The following CSMD1 variants were observed in gnomAD, a reference collection of about 807,000 sequenced individuals.
The protein encoded by CSMD1 is CUB and sushi domain-containing protein 1.
A neutral mutation model predicts 417.5 loss-of-function variants in CSMD1; 213 were observed. The ratio of observed to expected loss-of-function variants is 0.51; its 90% CI spans 0.46 to 0.57. The LOEUF is 0.57. Among genes scored for constraint, CSMD1 ranks in the 20% least tolerant of loss-of-function variants. The pLI, the probability that CSMD1 is intolerant of heterozygous loss-of-function variation, is 0.00. For missense variants in CSMD1, 6,923 were observed against 4,529.7 expected, an observed-to-expected ratio of 1.53 and a Z score of -15.17; for synonymous variants, 2,862 against 1,736.8, an observed-to-expected ratio of 1.65 and a Z score of -16.11.
At chr8:3,722,787 C>G (rs1802263735) in intron 6 of CSMD1, among the ~76,000 whole-genome samples, 1 of 152,200 alleles carries the variant, frequency 6.6e-6, no homozygotes, top group East Asian at 1.9e-4. Flanking sequence ...TGCACCTGCA[C>G]TTCTGCTGTG....
At chr8:4,803,884 G>A (rs936149127) in intron 1 of CSMD1, among the ~76,000 whole-genome samples, 7 of 152,308 alleles carry the variant, frequency 4.6e-5, no homozygotes, top group African/African-American at 1.4e-4. Context: ...TGAGAGCCAA[G>A]TGTTAACTGC....
intron 12 of CSMD1, among the ~76,000 whole-genome samples, chr8:3,436,032 C>A (rs560218662): frequency 1.7e-4 from 26 of 152,252 alleles, no homozygotes; most frequent in South Asian, 6.2e-4. Flanking sequence ...GTGGGCAGCT[C>A]CCCACTCCCT....
intron 5 of CSMD1, among the ~76,000 whole-genome samples, chr8:3,889,434 A>C (rs1423419031): frequency 7.8e-6 from 1 of 128,048 alleles, no homozygotes; most frequent in Non-Finnish European, 1.6e-5. Flanking sequence ...TCATTAGTTG[A>C]TATGCTTCTG....
chr8:3,416,384 C>A (rs576801190), intron 12 of CSMD1, among the ~76,000 whole-genome samples: 9 of 149,730 alleles, frequency 6.0e-5, no homozygotes, highest in Non-Finnish European at 1.0e-4. Context: ...TAACAGAGGA[C>A]CAAACACTAC....
chr8:3,299,676 G>C (rs1420648331), intron 25 of CSMD1, among the ~76,000 whole-genome samples: 1 of 152,176 alleles, frequency 6.6e-6, no homozygotes, highest in Admixed American at 6.5e-5. Flanking sequence ...GGAAAGGAGA[G>C]AACCGGAAAT....
intron 3 of CSMD1, among the ~76,000 whole-genome samples, chr8:4,390,479 A>C (rs7815659): frequency 0.79 from 118,452 of 150,436 alleles, 47,172 homozygotes; most frequent in African/African-American, 0.9. Flanking sequence ...GAAAACTGTT[A>C]CCCACAGAAG....
chr8:3,667,633 G>C (rs921844176), intron 7 of CSMD1, among the ~76,000 whole-genome samples: 2 of 152,110 alleles, frequency 1.3e-5, no homozygotes, highest in African/African-American at 4.8e-5. Flanking sequence ...TCCTTATTTG[G>C]GTTGCTCTGG....
intron 3 of CSMD1, among the ~76,000 whole-genome samples, chr8:4,286,958 G>A (rs1297069377): frequency 6.6e-6 from 1 of 152,172 alleles, no homozygotes; most frequent in African/African-American, 2.4e-5. Flanking sequence ...TTCCATAGAG[G>A]CAGCTGAAGG....
intron 5 of CSMD1, among the ~76,000 whole-genome samples, chr8:3,956,699 A>C (rs1169228480): frequency 2.0e-5 from 3 of 152,138 alleles, no homozygotes; most frequent in Non-Finnish European, 4.4e-5. Flanking sequence ...CAGAACCTAT[A>C]TTTGAAACCC....
chr8:4,231,980 A>G (rs1025982249), intron 3 of CSMD1, among the ~76,000 whole-genome samples: 23 of 152,150 alleles, frequency 1.5e-4, no homozygotes, highest in African/African-American at 5.3e-4. Context: ...GCAAAAGGCT[A>G]ATCATTTTGT....
chr8:3,600,170 C>G (rs1201526509), intron 8 of CSMD1, among the ~76,000 whole-genome samples: 1 of 152,200 alleles, frequency 6.6e-6, no homozygotes, highest in African/African-American at 2.4e-5. Context: ...AAGCTGAAAA[C>G]TGACAAACCA....
intron 2 of CSMD1, among the ~76,000 whole-genome samples, chr8:4,538,784 C>T (rs2130502924): frequency 6.6e-6 from 1 of 152,164 alleles, no homozygotes; most frequent in East Asian, 1.9e-4. Context: ...ACCCATTTTA[C>T]AGATAAGGAA....
rs1252214461 is a variant in CSMD1 at position 4,419,161 on chromosome 8, G to A, written c.415+792C>T. Among the ~76,000 whole-genome samples the A allele has an allele frequency of 2.0e-5, 3 of 152,132 alleles. 1 individual carries two copies. The South Asian group carries it at 6.2e-4, about 31-fold the overall frequency. On this transcript the variant is annotated intron_variant, in intron 3 of 69. Coordinates refer to ENST00000635120, the MANE Select transcript of CSMD1 (RefSeq NM_033225.6). ...CAGTGTGTGTTGTAAATAGGAATTG[G>A]TTTACACCCCTAACGATAGATTGCT...
chr8:3,947,198 C>A (rs769940792), intron 5 of CSMD1, among the ~76,000 whole-genome samples: 1 of 152,158 alleles, frequency 6.6e-6, no homozygotes, highest in African/African-American at 2.4e-5. Context: ...CAGGAGGTTT[C>A]TCTCAGTTCC....
At chr8:3,262,638 G>A (rs1801164147) in intron 26 of CSMD1, among the ~76,000 whole-genome samples, 1 of 152,082 alleles carries the variant, frequency 6.6e-6, no homozygotes, top group African/African-American at 2.4e-5. Context: ...AGGTATTAAA[G>A]TAGAGGTATA....
chr8:3,178,164 T>C (rs902515303), intron 37 of CSMD1, among the ~76,000 whole-genome samples: 2 of 152,218 alleles, frequency 1.3e-5, no homozygotes, highest in African/African-American at 4.8e-5. Flanking sequence ...TTCTTGGAAC[T>C]GCTTTTGCTA....
At chr8:3,164,574 C>G (rs939435046) in intron 37 of CSMD1, among the ~76,000 whole-genome samples, 2 of 152,098 alleles carry the variant, frequency 1.3e-5, no homozygotes, top group Non-Finnish European at 2.9e-5. Context: ...GCAAGGTCAT[C>G]TACCATACAT....
At chr8:3,247,266 T>G (rs1456148612) in intron 26 of CSMD1, among the ~76,000 whole-genome samples, 2 of 152,156 alleles carry the variant, frequency 1.3e-5, no homozygotes, top group African/African-American at 4.8e-5. Context: ...GTAGCTGTGG[T>G]TTGTAGTCCT....
intron 3 of CSMD1, among the ~76,000 whole-genome samples, chr8:4,078,863 C>T (rs1463453109): frequency 1.4e-5 from 2 of 140,612 alleles, no homozygotes; most frequent in Non-Finnish European, 1.5e-5. Context: ...TAGTGAAAAC[C>T]TGTCTCTACT....
Sources: gnomAD v4.1 joint callset for allele counts (sites outside exome capture counted in the v4.1 genomes callset) on GRCh38, gnomAD v4.1.1 for gene constraint, MANE v1.5 for transcripts, NCBI Gene and HGNC (gene_info 2026-07-23, HGNC 2026-07-21) for gene names.